The following FA2H variants were observed in gnomAD, a reference collection of about 807,000 sequenced individuals.
FA2H encodes the protein fatty acid alpha-hydroxylase.
FA2H carries 22 observed loss-of-function variants against 44.9 expected under a neutral mutation model. The ratio of observed to expected loss-of-function variants is 0.49; its 90% CI spans 0.35 to 0.70. The LOEUF is 0.70. FA2H is among the 30% of genes least tolerant of loss of function. The pLI, the probability that FA2H is intolerant of heterozygous loss-of-function variation, is 0.01. For synonymous variants in FA2H, 243 were observed against 213.2 expected (o/e 1.14, Z -1.22); for missense variants, 501 against 504.9 (o/e 0.99, Z 0.07).
chr16:74,725,335 AG>A (rs1425110614), intron 4 of FA2H, among the ~76,000 whole-genome samples: 1 of 152,190 alleles, frequency 6.6e-6, no homozygotes, highest in Non-Finnish European at 1.5e-5. Flanking sequence ...GGAAGCTCAG[AG>A]CCAGGACAGA....
intron 2 of FA2H, among the ~76,000 whole-genome samples, chr16:74,733,751 C>T (rs1288652946): frequency 2.0e-5 from 3 of 152,176 alleles, no homozygotes; most frequent in African/African-American, 7.2e-5. Flanking sequence ...GCTTCCTGCT[C>T]TACCTGACCA....
At chr16:74,771,229 C>T (rs920333667) in intron 1 of FA2H, among the ~76,000 whole-genome samples, 4 of 151,894 alleles carry the variant, frequency 2.6e-5, no homozygotes, top group Admixed American at 6.6e-5. Context: ...TCTTACCTGT[C>T]ACCCAGACTG....
intron 1 of FA2H, among the ~76,000 whole-genome samples, chr16:74,752,965 C>T (rs1280428512): frequency 6.6e-6 from 1 of 152,224 alleles, no homozygotes; most frequent in Non-Finnish European, 1.5e-5. Flanking sequence ...CACAGTCCTG[C>T]CCAGGAGGGT....
At chr16:74,753,423 A>C (rs371507532) in intron 1 of FA2H, among the ~76,000 whole-genome samples, 7 of 152,290 alleles carry the variant, frequency 4.6e-5, no homozygotes, top group African/African-American at 1.7e-4. Context: ...GAGGTGGCTC[A>C]TGCCTCCCAG....
intron 5 of FA2H, chr16:74,717,166 G>A (rs954417662): frequency 4.6e-5 from 7 of 153,670 alleles, no homozygotes; most frequent in African/African-American, 7.2e-5. Flanking sequence ...TCGCCACAGT[G>A]AACCAGAGAA....
At position 74,755,061 on chromosome 16, in the gene FA2H, G is replaced by T. The variant is rs567234545; in HGVS notation, c.271-14946C>A. The stretch of plus-strand genomic sequence containing the variant: ...CCCCTAGAAGCCCGGAGAGGGGCTT[G>T]AAGTGGATTCTTCCTCGCAGCCTCT... On this transcript the variant is annotated intron_variant, in intron 1 of 6. Transcript: ENST00000219368. Among the ~76,000 whole-genome samples the T allele has an allele frequency of 5.3e-5, 8 of 152,222 alleles. No individual in the cohort carries two copies. The East Asian group carries it at 1.4e-3, about 26-fold the overall frequency.
chr16:74,769,993 A>T (rs1292426068), intron 1 of FA2H, among the ~76,000 whole-genome samples: 1 of 152,224 alleles, frequency 6.6e-6, no homozygotes, highest in Non-Finnish European at 1.5e-5. Flanking sequence ...AGGGTGCAGC[A>T]AAGTGGGGTG....
intron 1 of FA2H, among the ~76,000 whole-genome samples, chr16:74,761,161 T>C (rs553211595): frequency 4.8e-4 from 73 of 152,032 alleles, no homozygotes; most frequent in African/African-American, 1.7e-3. Context: ...CTTTGAAAAA[T>C]GTAGATAGGG....
chr16:74,756,908 C>T (rs185713293), intron 1 of FA2H, among the ~76,000 whole-genome samples: 1 of 149,056 alleles, frequency 6.7e-6, no homozygotes, highest in Admixed American at 6.6e-5. Context: ...ACAAGAAAAA[C>T]ACTAAGCATA....
intron 5 of FA2H, 66 bp downstream of exon 5, chr16:74,718,922 C>T (rs775231176): frequency 5.3e-5 from 83 of 1,576,730 alleles, no homozygotes; most frequent in African/African-American, 8.1e-5. Flanking sequence ...CCTGAAGCTG[C>T]GGCTGGCTGC....
Position 74,724,945 on chromosome 16 carries a change from C to A in FA2H, c.613+1280G>T, listed in dbSNP as rs1256949283. ...GGACCTGGGCCAAAGCTTCAGCATC[C>A]CCTTCCCCCTCCGGCTGCCAGCCCT... On this transcript the variant is annotated intron_variant, in intron 4 of 6. Coordinates refer to ENST00000219368, the MANE Select transcript of FA2H (RefSeq NM_024306.5). Among the ~76,000 whole-genome samples the A allele has an allele frequency of 2.0e-5, 3 of 152,222 alleles. No homozygotes were observed. The South Asian group carries it at 6.2e-4, about 32-fold the overall frequency.
intron 1 of FA2H, among the ~76,000 whole-genome samples, chr16:74,766,196 T>C (rs368324709): frequency 1.3e-5 from 2 of 151,820 alleles, no homozygotes; most frequent in Non-Finnish European, 2.9e-5. Flanking sequence ...CTACTCGGGA[T>C]GCTGAGGCAG....
intron 6 of FA2H, among the ~76,000 whole-genome samples, chr16:74,715,618 A>G (rs1371731834): frequency 2.0e-5 from 3 of 152,214 alleles, no homozygotes; most frequent in Non-Finnish European, 2.9e-5. Context: ...TGTTGATTAC[A>G]TGTTGAAATA....
rs759717999 is a variant in FA2H at position 74,735,064 on chromosome 16, T to A, written c.363+4959A>T. Among the ~76,000 whole-genome samples, 92 of 152,288 alleles carry A rather than the reference T, an allele frequency of 6.0e-4. 1 individual carries two copies. Among genetic ancestry groups the A allele is most frequent in the Admixed American group, 1.2e-3 (18 of 15,300 alleles). Reference sequence around the variant, plus strand: ...CCCTATCCTTCATGAGCCTTAATTCTGGGAGTTGGGGCCGATGATGACCTC... The same window carrying A: ...CCCTATCCTTCATGAGCCTTAATTCAGGGAGTTGGGGCCGATGATGACCTC... On this transcript the variant is annotated intron_variant, in intron 2 of 6. Transcript: ENST00000219368.
At chr16:74,715,621 T>C (rs576814460) in intron 6 of FA2H, among the ~76,000 whole-genome samples, 5 of 152,242 alleles carry the variant, frequency 3.3e-5, no homozygotes, top group Non-Finnish European at 5.9e-5. Context: ...TGATTACATG[T>C]TGAAATAATA....
At chr16:74,731,704 C>A (rs765988426) in intron 2 of FA2H, among the ~76,000 whole-genome samples, 4 of 151,878 alleles carry the variant, frequency 2.6e-5, no homozygotes, top group Non-Finnish European at 5.9e-5. Context: ...CTATTTGTCT[C>A]CTCTGTTCTT....
intron 1 of FA2H, among the ~76,000 whole-genome samples, chr16:74,767,510 G>A (rs1247040462): frequency 1.3e-5 from 2 of 152,150 alleles, no homozygotes; most frequent in Non-Finnish European, 2.9e-5. Context: ...AGATTATCCT[G>A]GATCATCTAG....
At chr16:74,771,257 C>T (rs911678853) in intron 1 of FA2H, among the ~76,000 whole-genome samples, 2 of 152,088 alleles carry the variant, frequency 1.3e-5, no homozygotes, top group African/African-American at 4.8e-5. Flanking sequence ...GTGGTGCGAT[C>T]TCAGCTCACT....
intron 1 of FA2H, among the ~76,000 whole-genome samples, chr16:74,745,325 G>C (rs1962398167): frequency 6.6e-6 from 1 of 152,220 alleles, no homozygotes; most frequent in Non-Finnish European, 1.5e-5. Context: ...CTAGTCCCCA[G>C]CACAGGCTTG....
Sources: allele counts gnomAD v4.1 joint callset (sites outside exome capture counted in the v4.1 genomes callset), GRCh38; gene constraint gnomAD v4.1.1; transcripts MANE v1.5; gene names NCBI Gene and HGNC (gene_info 2026-07-23, HGNC 2026-07-21).